The following CLIC3 variants were observed in gnomAD, a reference collection of about 807,000 sequenced individuals.
CLIC3 encodes the protein CLIC family member 3, also known as chloride intracellular channel protein 3.
CLIC3 carries 29 observed loss-of-function variants against 19.9 expected under a neutral mutation model. That is an observed-to-expected ratio of 1.46 (90% CI 1.09 to 1.99). The LOEUF (loss-of-function observed/expected upper bound fraction) is 1.99, where lower values mean the gene tolerates loss of function less well. Ranked by LOEUF, CLIC3 falls within the 30% of genes most tolerant of loss-of-function variation. CLIC3 has a pLI of 0.00. For synonymous variants in CLIC3, 143 were observed against 156.4 expected (o/e 0.91, Z 0.64); for missense variants, 365 against 342.6 (o/e 1.07, Z -0.52).
At chr9:136,996,209 C>T (rs1047315862) in intron 1 of CLIC3, among the ~76,000 whole-genome samples, 4 of 152,284 alleles carry the variant, frequency 2.6e-5, no homozygotes, top group Middle Eastern at 3.4e-3. Flanking sequence ...GAACACCGAC[C>T]GTAAGCTCCA....
intron 1 of CLIC3, 114 bp downstream of exon 1, chr9:136,996,397 A>G (rs1830704217): frequency 3.1e-6 from 3 of 980,816 alleles, no homozygotes; most frequent in Non-Finnish European, 4.7e-6. Flanking sequence ...AGCCACCCAC[A>G]GGAAGGGGCT....
At position 136,994,750 on chromosome 9, in the gene CLIC3, C is replaced by T. The variant is rs1249331494; in HGVS notation, c.642G>A (p.Glu214=). ...RYLDSAMQEK[E]FKYTCPHSAE... ...CGCTGTGCGGACACGTGTATTTGAA[C>T]TCTTTCTCCTGCATCGCGCTGTCCA... Residue 214 remains glutamate, a synonymous_variant, in exon 6 of 6, where the codon GAG becomes GAA. Coordinates refer to ENST00000494426, the MANE Select transcript of CLIC3 (RefSeq NM_004669.3). 2.5e-6 allele frequency: 4 copies of T among 1,608,058 alleles called. No homozygotes were observed. In the Admixed American group the frequency reaches 5.0e-5, roughly 20 times the overall value.
rs772419356 is a variant in CLIC3 at position 136,995,286 on chromosome 9, G to A, written c.276C>T (p.Pro92=). 5.6e-6 allele frequency: 9 copies of A among 1,612,492 alleles called. No individual in the cohort carries two copies. The East Asian group carries it at 2.0e-4, about 36-fold the overall frequency. Residue 92 remains proline, a synonymous_variant, in exon 4 of 6, where the codon CCC becomes CCT. Transcript: ENST00000494426. ...LEETLGPPDF[P]SLAPRYRESN... is the part of the protein sequence containing the mutation. Reference sequence around the variant, plus strand: ...ACTCCCTGTAACGAGGCGCCAGGCTGGGGAAGCTGCGGGATGAGGGGGTGG... The same window carrying A: ...ACTCCCTGTAACGAGGCGCCAGGCTAGGGAAGCTGCGGGATGAGGGGGTGG...
At position 136,995,819 on chromosome 9, in the gene CLIC3, C is replaced by T. The variant is rs1446112235; in HGVS notation, c.34-62G>A. 1.4e-5 allele frequency: 17 copies of T among 1,205,314 alleles called. No individual in the cohort carries two copies. In the East Asian group the frequency reaches 4.1e-4, roughly 29 times the overall value. 74.7% of individuals were successfully genotyped at this position (1,205,314 alleles called of 1,614,324 possible). A position where few individuals can be genotyped will look rare whatever the true frequency, so the allele number is the denominator to read the frequency against. On this transcript the variant is annotated intron_variant, in intron 1 of 5. Transcript: ENST00000494426. The stretch of plus-strand genomic sequence containing the variant: ...GAAGCAGACCCAGGCATCCTGCCGC[C>T]AGGCTGGGCGGGACCCGCCTCCCAC...
chr9:136,996,405 G>C lies in CLIC3; in HGVS notation c.33+106C>G, dbSNP rs1418687839. 2.9e-6 allele frequency: 3 copies of C among 1,049,768 alleles called. No homozygotes were observed. In the East Asian group the frequency reaches 7.8e-5, roughly 27 times the overall value. 65.0% of individuals were successfully genotyped at this position (1,049,768 alleles called of 1,614,324 possible). ...TCCCCCTAGCCACCCACAGGAAGGGGCTCAGACATTACTGGGAGGCCCACC... is the reference window on the plus strand; with the variant it reads ...TCCCCCTAGCCACCCACAGGAAGGGCCTCAGACATTACTGGGAGGCCCACC... On this transcript the variant is annotated intron_variant, in intron 1 of 5. Coordinates refer to ENST00000494426, the MANE Select transcript of CLIC3 (RefSeq NM_004669.3).
chr9:136,994,841 T>C lies in CLIC3; in HGVS notation c.553-2A>G, dbSNP rs745571253. On this transcript the variant is annotated splice_acceptor_variant, in intron 5 of 5. Coordinates refer to ENST00000494426, the MANE Select transcript of CLIC3 (RefSeq NM_004669.3). LOFTEE classifies it high-confidence loss of function. ...CTGGCGGAAGTGCGCGCACACCGTC[T>C]GCGGGCAGGATCGCGGGGCGCGGTC... The C allele has an allele frequency of 3.2e-6, 5 of 1,551,780 alleles. No individual in the cohort carries two copies. The Admixed American group carries it at 5.7e-5, about 18-fold the overall frequency.
In CLIC3 at chr9:136,995,176, C is replaced by T. The variant is rs763206622; in HGVS notation, c.376+10G>A. On this transcript the variant is annotated intron_variant, in intron 4 of 5. Transcript: ENST00000494426. ...CCGCCTGGGCACCCGACCCCCTGAC[C>T]CCGCTTCACCTTCGTCCTGCGCGGG... 1.2e-6 allele frequency: 2 copies of T among 1,609,800 alleles called. No individual in the cohort carries two copies. Among genetic ancestry groups the T allele is most frequent in the Non-Finnish European group, 1.7e-6 (2 of 1,178,658 alleles).
rs201523771 is a variant in CLIC3, at chr9:136,995,663, G to T, written c.128C>A (p.Thr43Lys). ...GGGGCCTCACCTGCGCGTGTCCACC[G>T]TGGTGAGGGTGAAAGGTACGCCCTT... ...LLKGVPFTLTTVDTRRSPDVL... is the reference protein window; with the variant it reads ...LLKGVPFTLTKVDTRRSPDVL... The change falls in exon 2 of 6, where the codon ACG becomes AAG. Residue 43 changes from threonine (T) to lysine (K), a missense_variant. Thr to Lys is a moderately conservative substitution (Grantham distance 78). Coordinates refer to ENST00000494426, the MANE Select transcript of CLIC3 (RefSeq NM_004669.3). The T allele has an allele frequency of 3.0e-5, 49 of 1,610,750 alleles. No homozygotes were observed. In the East Asian group the frequency reaches 9.1e-4, roughly 30 times the overall value.
Position 136,995,237 on chromosome 9 carries a change from A to C in CLIC3, c.325T>G (p.Phe109Val), listed in dbSNP as rs1232156873. The change falls in exon 4 of 6, where the codon TTC (phenylalanine) becomes GTC (valine). Residue 109 changes from phenylalanine to valine, a missense_variant. By Grantham distance (50) the Phe-to-Val change is conservative. Coordinates refer to ENST00000494426, the MANE Select transcript of CLIC3 (RefSeq NM_004669.3). ...RESNTAGNDV[F>V]HKFSAFIKNP... ...TTGATGAACGCGGAGAACTTGTGGA[A>C]AACGTCGTTGCCGGCGGTGTTGGAC... 6.2e-7 allele frequency: 1 copy of C among 1,612,876 alleles called. No homozygotes were observed. The highest frequency in any genetic ancestry group is 8.5e-7 in the Non-Finnish European group (1 of 1,179,884).
At position 136,995,653 on chromosome 9, in the gene CLIC3, C is replaced by G. The variant is rs141765089; in HGVS notation, c.138G>C (p.Thr46=). Residue 46 remains threonine, a synonymous_variant, in exon 2 of 6, where the codon ACG becomes ACC. Transcript: ENST00000494426. ...TCCACAGGATGGGGCCTCACCTGCG[C>G]GTGTCCACCGTGGTGAGGGTGAAAG... ...GVPFTLTTVD[T]RRSPDVLKDF... is the part of the protein sequence containing the mutation. The G allele has an allele frequency of 0.018, 29,440 of 1,610,290 alleles. 330 individuals are homozygous for G. The highest frequency in any genetic ancestry group is 0.022 in the Non-Finnish European group (25,612 of 1,178,530).
In CLIC3 at chr9:136,995,011, G is replaced by C. The variant is rs1830677539; in HGVS notation, c.471C>G (p.Arg157=). 2.7e-6 allele frequency: 4 copies of C among 1,507,334 alleles called. No homozygotes were observed. The highest frequency in any genetic ancestry group is 3.5e-6 in the Non-Finnish European group (4 of 1,133,538). 93.4% of individuals were successfully genotyped at this position (1,507,334 alleles called of 1,614,324 possible). ...CGTCCAGGAAGCGGCGGCGGGACTC[G>C]CGCAGCTGCGGCTCCCCCGCCAGCT... ...EHELAGEPQL[R]ESRRRFLDGD... is the part of the protein sequence containing the mutation. The change falls in exon 5 of 6, where the codon CGC becomes CGG. Residue 157 remains arginine (R), a synonymous_variant. Coordinates refer to ENST00000494426, the MANE Select transcript of CLIC3 (RefSeq NM_004669.3).
Position 136,995,521 on chromosome 9 carries a change from TG to T in CLIC3, c.189del (p.Ile64SerfsTer194), listed in dbSNP as rs1401334450. 3 of 1,612,398 alleles carry T rather than the reference TG, an allele frequency of 1.9e-6. No homozygotes were observed. In the Admixed American group the frequency reaches 5.0e-5, roughly 27 times the overall value. On this transcript the variant is annotated frameshift_variant, in exon 3 of 6. Transcript: ENST00000494426. LOFTEE classifies it high-confidence loss of function. Reference protein sequence around the residue: ...LKDFAPGSQLPILLYDSDAKT... With the variant: ...LKDFAPGSQLXILLYDSDAKT... ...TTGGCGTCGCTGTCATAGAGCAGGA[TG>T]GGCAGCTGCGAGCCGGGGGCGAAGT...
In CLIC3 at chr9:136,995,186, C is replaced by A; in HGVS notation, c.376G>T (p.Ala126Ser). 1.9e-6 allele frequency: 3 copies of A among 1,611,848 alleles called. No individual in the cohort carries two copies. The highest frequency in any genetic ancestry group is 2.5e-6 in the Non-Finnish European group (3 of 1,179,500). Residue 126 changes from alanine (A) to serine (S), a missense_variant and splice_region_variant, in exon 4 of 6, where the codon GCC becomes TCC. Coordinates refer to ENST00000494426, the MANE Select transcript of CLIC3 (RefSeq NM_004669.3). ...IKNPVPAQDE[A>S]LYQQLLRALA... ...ACCCGACCCCCTGACCCCGCTTCACCTTCGTCCTGCGCGGGCACCGGGTTC... is the reference window on the plus strand; with the variant it reads ...ACCCGACCCCCTGACCCCGCTTCACATTCGTCCTGCGCGGGCACCGGGTTC...
chr9:136,995,769 G>T lies in CLIC3; in HGVS notation c.34-12C>A. On this transcript the variant is annotated splice_polypyrimidine_tract_variant and intron_variant, in intron 1 of 5. Coordinates refer to ENST00000494426, the MANE Select transcript of CLIC3 (RefSeq NM_004669.3). ...CCGTCCTCACTCGCCTGGGTGGGTGGAGCGGGGGTGGGGGGTCAGGGCTGG... is the reference window on the plus strand; with the variant it reads ...CCGTCCTCACTCGCCTGGGTGGGTGTAGCGGGGGTGGGGGGTCAGGGCTGG... 1 of 1,513,512 alleles carries T rather than the reference G, an allele frequency of 6.6e-7. No homozygotes were observed. Among genetic ancestry groups the T allele is most frequent in the Non-Finnish European group, 9.0e-7 (1 of 1,116,530 alleles). The allele number at this position is 1,513,512 out of a possible 1,614,324, so 93.8% of individuals were successfully genotyped here.
chr9:136,996,412 C>A, intron 1 of CLIC3, 99 bp downstream of exon 1: 2 of 1,127,398 alleles, frequency 1.8e-6, no homozygotes, highest in African/African-American at 1.6e-5. Context: ...GGGGCTCAGA[C>A]ATTACTGGGA....
chr9:136,996,489 CGCAGCTGAG>C lies in CLIC3; in HGVS notation c.33+13_33+21del. ...AGCGCTTCCTCCCAGACACCCTCCCCGCAGCTGAGTCCGCCCTGCACCTTGACAAACAGC... is the reference window on the plus strand; with the variant it reads ...AGCGCTTCCTCCCAGACACCCTCCCCTCCGCCCTGCACCTTGACAAACAGC... On this transcript the variant is annotated intron_variant, in intron 1 of 5. Transcript: ENST00000494426. The C allele has an allele frequency of 6.4e-7, 1 of 1,552,456 alleles. No homozygotes were observed. Among genetic ancestry groups the C allele is most frequent in the Non-Finnish European group, 8.7e-7 (1 of 1,147,054 alleles).
In CLIC3 at chr9:136,994,779, A is replaced by G. The variant is rs1830671126; in HGVS notation, c.613T>C (p.Tyr205His). 1.3e-6 allele frequency: 2 copies of G among 1,598,120 alleles called. No individual in the cohort carries two copies. Among genetic ancestry groups the G allele is most frequent in the African/African-American group, 1.3e-5 (1 of 74,620 alleles). ...TTCTCCTGCATCGCGCTGTCCAGGT[A>G]GCGGCGTACGCCGCGCAGCTCCGCG... ...IPAELRGVRR[Y>H]LDSAMQEKEF... Residue 205 changes from tyrosine to histidine, a missense_variant, in exon 6 of 6, where the codon TAC becomes CAC. Physicochemically the swap from Tyr to His is moderately conservative, Grantham distance 83. Transcript: ENST00000494426.
At position 136,995,545 on chromosome 9, in the gene CLIC3, A is replaced by T; in HGVS notation, c.166T>A (p.Phe56Ile). ...TRRSPDVLKD[F>I]APGSQLPILL... ...ATGGGCAGCTGCGAGCCGGGGGCGAAGTCCTTCAGCACGTCCGGGGACCTG... is the reference window on the plus strand; with the variant it reads ...ATGGGCAGCTGCGAGCCGGGGGCGATGTCCTTCAGCACGTCCGGGGACCTG... The change falls in exon 3 of 6, where the codon TTC becomes ATC. Residue 56 changes from phenylalanine (F) to isoleucine (I), a missense_variant. Coordinates refer to ENST00000494426, the MANE Select transcript of CLIC3 (RefSeq NM_004669.3). The T allele has an allele frequency of 6.2e-7, 1 of 1,612,388 alleles. No individual in the cohort carries two copies. Among genetic ancestry groups the T allele is most frequent in the Non-Finnish European group, 8.5e-7 (1 of 1,179,786 alleles).
rs900063658 is a variant in CLIC3 at position 136,994,782 on chromosome 9, G to T, written c.610C>A (p.Arg204Ser). 1.9e-6 allele frequency: 3 copies of T among 1,596,288 alleles called. No homozygotes were observed. The highest frequency in any genetic ancestry group is 1.7e-5 in the Admixed American group (1 of 57,888). ...TCCTGCATCGCGCTGTCCAGGTAGC[G>T]GCGTACGCCGCGCAGCTCCGCGGGG... is the stretch of plus-strand genomic sequence containing the variant. ...PIPAELRGVR[R>S]YLDSAMQEKE... is the part of the protein sequence containing the mutation. The change falls in exon 6 of 6, where the codon CGC becomes AGC. Residue 204 changes from arginine (R) to serine (S), a missense_variant. By Grantham distance (110) the Arg-to-Ser change is moderately radical. Coordinates refer to ENST00000494426, the MANE Select transcript of CLIC3 (RefSeq NM_004669.3).
Sources: gnomAD v4.1 joint callset for allele counts (sites outside exome capture counted in the v4.1 genomes callset) on GRCh38, gnomAD v4.1.1 for gene constraint, MANE v1.5 for transcripts, NCBI Gene and HGNC (gene_info 2026-07-23, HGNC 2026-07-21) for gene names.